The following GLB1 variants were observed in gnomAD, a reference collection of about 807,000 sequenced individuals.
GLB1 encodes beta-galactosidase.
GLB1 carries 56 observed loss-of-function variants against 74.0 expected under a neutral mutation model. That is an observed-to-expected ratio of 0.76 (90% CI 0.61 to 0.94). GLB1 has a LOEUF of 0.94. GLB1 is among the 40% of genes least tolerant of loss of function. GLB1 has a pLI of 0.00. For missense variants in GLB1, 787 were observed against 845.5 expected, an observed-to-expected ratio of 0.93 and a Z score of 0.86; for synonymous variants, 323 against 323.6, an observed-to-expected ratio of 1.00 and a Z score of 0.02.
At chr3:32,961,349 G>A in the GLB1 span, among the ~76,000 whole-genome samples, 1 of 152,234 alleles carries the variant, frequency 6.6e-6, no homozygotes, top group Non-Finnish European at 1.5e-5. Flanking sequence ...GAAGTGCAGG[G>A]TGGTAAGAGA....
At chr3:33,084,620 G>A (rs2125572068) in intron 1 of GLB1, among the ~76,000 whole-genome samples, 1 of 152,300 alleles carries the variant, frequency 6.6e-6, no homozygotes, top group South Asian at 2.1e-4. Flanking sequence ...AGCGAGCACA[G>A]CTTTAGACTG....
At chr3:32,963,971 C>A in the GLB1 span, among the ~76,000 whole-genome samples, 102 of 152,254 alleles carry the variant, frequency 6.7e-4, 2 homozygotes, top group South Asian at 1.5e-3. Context: ...CTTGAGCATG[C>A]GGATGTCATC....
the GLB1 span, among the ~76,000 whole-genome samples, chr3:32,979,630 A>G: frequency 6.6e-6 from 1 of 151,942 alleles, no homozygotes; most frequent in Non-Finnish European, 1.5e-5. Flanking sequence ...AGATGGGAGG[A>G]TTTCTTGCGA....
the GLB1 span, among the ~76,000 whole-genome samples, chr3:32,971,506 G>C: frequency 6.6e-6 from 1 of 152,198 alleles, no homozygotes; most frequent in Non-Finnish European, 1.5e-5. Flanking sequence ...AACTAATATG[G>C]GGAACCAGTG....
intron 5 of GLB1, 57 bp from the exon 6 acceptor site, chr3:33,058,326 T>G: frequency 1.9e-6 from 3 of 1,605,990 alleles, no homozygotes; most frequent in Non-Finnish European, 2.6e-6. Flanking sequence ...GCCACCCTAA[T>G]GCAAGCTTTT....
intron 15 of GLB1, among the ~76,000 whole-genome samples, chr3:33,004,695 A>G (rs1416654377): frequency 2.0e-5 from 3 of 152,184 alleles, no homozygotes; most frequent in South Asian, 2.1e-4. Flanking sequence ...TGTGGCTGGT[A>G]CTATTACTAT....
chr3:33,044,764 A>G (rs1698673602), intron 10 of GLB1, among the ~76,000 whole-genome samples: 1 of 152,198 alleles, frequency 6.6e-6, no homozygotes, highest in Non-Finnish European at 1.5e-5. Context: ...AAAAAAAACC[A>G]TACCATTTAT....
rs1161551535 is a variant in GLB1, at chr3:33,065,469, T to C, written c.546A>G (p.Thr182=). The C allele has an allele frequency of 6.3e-7, 1 of 1,579,870 alleles. No individual in the cohort carries two copies. Among genetic ancestry groups the C allele is most frequent in the East Asian group, 2.3e-5 (1 of 44,090 alleles). The change falls in exon 5 of 16, where the codon ACA becomes ACG. Residue 182 remains threonine (T), a synonymous_variant. Transcript: ENST00000307363. ...TGCTCAACTCCAGGGTTACCTGCAC[T>C]GTTATAACTGGCCCTCCATTCTGAT... is the stretch of plus-strand genomic sequence containing the variant. ...LLYQNGGPVI[T]VQVENEYGSY...
At chr3:32,961,835 C>T in the GLB1 span, among the ~76,000 whole-genome samples, 2 of 152,278 alleles carry the variant, frequency 1.3e-5, no homozygotes, top group South Asian at 2.1e-4. Context: ...TAGGAAGGAA[C>T]GCCTGTGATC....
rs1217679849 is a variant in GLB1 at position 33,018,507 on chromosome 3, C to G, written c.1288G>C (p.Ala430Pro). 1.9e-6 allele frequency: 3 copies of G among 1,613,980 alleles called. No homozygotes were observed. Among genetic ancestry groups the G allele is most frequent in the Non-Finnish European group, 2.5e-6 (3 of 1,179,996 alleles). The change falls in exon 13 of 16, where the codon GCA (alanine) becomes CCA (proline). Residue 430 changes from alanine to proline, a missense_variant. Transcript: ENST00000307363. ...CCATTGAGGGGTGAAGAGAGAGGTG[C>G]TGGGTTGCTGCAATCTTGAGGAAGT... ...TTLPQDCSNP[A>P]PLSSPLNGVH...
intron 15 of GLB1, among the ~76,000 whole-genome samples, chr3:33,009,136 A>C (rs1224776281): frequency 6.6e-6 from 1 of 150,684 alleles, no homozygotes; most frequent in Non-Finnish European, 1.5e-5. Flanking sequence ...TAAATAAATA[A>C]ATAAATAAAT....
chr3:33,028,665 A>AT (rs199938060), intron 10 of GLB1, among the ~76,000 whole-genome samples: 6,834 of 148,318 alleles, frequency 0.046, 217 homozygotes, highest in Non-Finnish European at 0.063. Flanking sequence ...TTTACCCAAA[A>AT]ATTTTTTTTT....
intron 10 of GLB1, chr3:33,037,994 T>C (rs1698344930): frequency 8.8e-6 from 1 of 113,286 alleles, no homozygotes; most frequent in Non-Finnish European, 1.6e-5. Flanking sequence ...TGACTCTACC[T>C]CTCACACAAT....
At chr3:33,034,748 G>C in intron 10 of GLB1, 1 of 677,436 alleles carries the variant, frequency 1.5e-6, no homozygotes. Flanking sequence ...TATCAGTGAT[G>C]TCAACAAGGG....
chr3:32,965,362 G>C, the GLB1 span, among the ~76,000 whole-genome samples: 6 of 152,172 alleles, frequency 3.9e-5, no homozygotes, highest in African/African-American at 1.4e-4. Flanking sequence ...TGGAAATAAG[G>C]AAGTTCTTGG....
At chr3:33,055,953 C>A (rs76839463) in intron 6 of GLB1, among the ~76,000 whole-genome samples, 3 of 151,306 alleles carry the variant, frequency 2.0e-5, no homozygotes, top group Admixed American at 1.3e-4. Context: ...ACAGACCGGG[C>A]GCGGTGGCTC....
intron 10 of GLB1, among the ~76,000 whole-genome samples, chr3:33,032,802 A>T (rs997599742): frequency 2.0e-5 from 3 of 152,198 alleles, no homozygotes; most frequent in African/African-American, 7.2e-5. Flanking sequence ...CTACCATGGC[A>T]GCTGCATCCA....
At chr3:32,983,403 T>C in the GLB1 span, among the ~76,000 whole-genome samples, 2 of 152,232 alleles carry the variant, frequency 1.3e-5, no homozygotes, top group South Asian at 4.1e-4. Context: ...ATATGTTGTG[T>C]TTTAAAATTT....
At chr3:33,009,305 C>T (rs982120519) in intron 15 of GLB1, among the ~76,000 whole-genome samples, 26 of 151,780 alleles carry the variant, frequency 1.7e-4, no homozygotes, top group Non-Finnish European at 2.5e-4. Context: ...AGGTGGACCA[C>T]GAGGTCAGGA....
Sources: allele counts gnomAD v4.1 joint callset (sites outside exome capture counted in the v4.1 genomes callset), GRCh38; gene constraint gnomAD v4.1.1; transcripts MANE v1.5; gene names NCBI Gene and HGNC (gene_info 2026-07-23, HGNC 2026-07-21).